Variants in ZNF618 observed in about 807,000 individuals in gnomAD.
The protein encoded by ZNF618 is neural precursor cell expressed, developmentally down-regulated 10.
In ZNF618, 34 loss-of-function variants were observed where a neutral mutation model predicts 103.0. The observed-to-expected ratio is 0.33, with a 90% confidence interval of 0.25 to 0.44. ZNF618 has a LOEUF of 0.44. Ranked by LOEUF, ZNF618 falls within the 20% of genes least tolerant of loss-of-function variation. The pLI is 1.00. For synonymous variants in ZNF618, 551 were observed against 542.2 expected (o/e 1.02, Z -0.23); for missense variants, 1,059 against 1,295.4 (o/e 0.82, Z 2.80).
rs146269057 is a variant in ZNF618 at position 114,034,947 on chromosome 9, C to T, written c.1169-1353C>T. On this transcript the variant is annotated intron_variant, in intron 12 of 14. Transcript: ENST00000374126. ...AGTGTAGGGTGTCCCGGAGGGATGG[C>T]AGTGACTTGTCTTGCCCTGCCTGGT... Among the ~76,000 whole-genome samples, 280 of 152,246 alleles carry T rather than the reference C, an allele frequency of 1.8e-3. 1 individual carries two copies. The highest frequency in any genetic ancestry group is 3.7e-3 in the Admixed American group (57 of 15,308).
chr9:113,991,678 G>A (rs1213271159), intron 3 of ZNF618, among the ~76,000 whole-genome samples: 2 of 152,194 alleles, frequency 1.3e-5, no homozygotes, highest in Non-Finnish European at 1.5e-5. Flanking sequence ...GTCGGTGCAG[G>A]ATAAGGTATT....
intron 1 of ZNF618, among the ~76,000 whole-genome samples, chr9:113,881,466 A>G (rs1013796654): frequency 1.3e-5 from 2 of 152,198 alleles, no homozygotes; most frequent in Non-Finnish European, 2.9e-5. Context: ...GTATATCCAT[A>G]ATACTATCCT....
chr9:114,001,334 A>G (rs1171355783), intron 4 of ZNF618, among the ~76,000 whole-genome samples: 1 of 132,752 alleles, frequency 7.5e-6, no homozygotes, highest in Admixed American at 7.4e-5. Context: ...GGAACAAGAC[A>G]ACTCCTCAGC....
At chr9:113,903,333 T>C (rs1830710516) in intron 1 of ZNF618, among the ~76,000 whole-genome samples, 1 of 152,234 alleles carries the variant, frequency 6.6e-6, no homozygotes, top group African/African-American at 2.4e-5. Flanking sequence ...CTGGTGACAG[T>C]GGAGTATATC....
At chr9:113,876,768 C>T (rs1203809478) in intron 1 of ZNF618, among the ~76,000 whole-genome samples, 2 of 150,828 alleles carry the variant, frequency 1.3e-5, no homozygotes, top group South Asian at 4.3e-4. Context: ...GCTCTGCCCC[C>T]TCCCCCCCAA....
At chr9:114,018,854 A>G (rs988217676) in intron 10 of ZNF618, among the ~76,000 whole-genome samples, 1 of 152,194 alleles carries the variant, frequency 6.6e-6, no homozygotes, top group South Asian at 2.1e-4. Flanking sequence ...AAAATACAGC[A>G]TGAGAGATTT....
At chr9:114,007,320 T>C in intron 6 of ZNF618, 30 bp from the exon 7 acceptor site, 3 of 1,605,988 alleles carry the variant, frequency 1.9e-6, no homozygotes. Context: ...GAAGCCCTGG[T>C]AACCAGGTGT....
Position 114,048,940 on chromosome 9 carries a change from C to T in ZNF618, c.1638C>T (p.Cys546=), listed in dbSNP as rs571794106. ...CCTGTGCCTTGGGCAGCAATGCCTG[C>T]CTAGGCATCGGTGTCACCTGCCACT... ...KVTCALGSNA[C]LGIGVTCHSQ... is the part of the protein sequence containing the mutation. Residue 546 remains cysteine, a synonymous_variant, in exon 15 of 15, where the codon TGC becomes TGT. Coordinates refer to ENST00000374126, the MANE Select transcript of ZNF618 (RefSeq NM_001318042.2). The T allele has an allele frequency of 6.2e-7, 1 of 1,609,362 alleles. No homozygotes were observed. The highest frequency in any genetic ancestry group is 1.3e-5 in the African/African-American group (1 of 74,974).
Position 113,969,100 on chromosome 9 carries a change from T to C in ZNF618, c.34-17T>C, listed in dbSNP as rs1349228789. ...TTCTGCCTTGGCTGATGTAGGTGTT[T>C]TGGGTTTCTTTTGCAGGCTGACGGA... is the stretch of plus-strand genomic sequence containing the variant. On this transcript the variant is annotated splice_polypyrimidine_tract_variant and intron_variant, in intron 1 of 14. Transcript: ENST00000374126. The C allele has an allele frequency of 8.1e-6, 13 of 1,613,806 alleles. No homozygotes were observed. Among genetic ancestry groups the C allele is most frequent in the Admixed American group, 1.7e-5 (1 of 59,992 alleles).
chr9:114,017,793 C>T (rs563645217), intron 10 of ZNF618, among the ~76,000 whole-genome samples: 19 of 152,172 alleles, frequency 1.2e-4, no homozygotes, highest in Non-Finnish European at 2.2e-4. Context: ...GCCCAGGTCC[C>T]TCCTAGAGCC....
intron 11 of ZNF618, among the ~76,000 whole-genome samples, chr9:114,031,753 T>C (rs996503183): frequency 1.4e-4 from 21 of 152,180 alleles, no homozygotes; most frequent in African/African-American, 3.4e-4. Context: ...TTGTTTCTCC[T>C]TAAGAAATGC....
At chr9:114,025,008 AG>A (rs1330836449) in intron 10 of ZNF618, among the ~76,000 whole-genome samples, 1 of 152,178 alleles carries the variant, frequency 6.6e-6, no homozygotes, top group African/African-American at 2.4e-5. Flanking sequence ...GCAGAGAGCT[AG>A]AGTGACCATG....
intron 1 of ZNF618, among the ~76,000 whole-genome samples, chr9:113,930,691 C>T (rs1037985371): frequency 1.5e-4 from 23 of 152,290 alleles, no homozygotes; most frequent in Middle Eastern, 3.4e-3. Flanking sequence ...TGCCTAGAAG[C>T]GAAGGAGGCT....
intron 3 of ZNF618, among the ~76,000 whole-genome samples, chr9:113,992,814 G>A (rs1342157630): frequency 2.0e-5 from 3 of 152,210 alleles, no homozygotes; most frequent in Non-Finnish European, 4.4e-5. Flanking sequence ...GCATTTGGCA[G>A]CTTCTCCTGC....
At chr9:114,027,644 C>G (rs546551127) in intron 10 of ZNF618, among the ~76,000 whole-genome samples, 2 of 152,224 alleles carry the variant, frequency 1.3e-5, no homozygotes, top group African/African-American at 4.8e-5. Context: ...CCAGGGGGCC[C>G]TTTCATTTAG....
At position 113,953,655 on chromosome 9, in the gene ZNF618, T is replaced by TA. The variant is rs111742121; in HGVS notation, c.34-15456dup. Among the ~76,000 whole-genome samples, 1,069 of 152,270 alleles carry TA rather than the reference T, an allele frequency of 7.0e-3. 15 individuals are homozygous for TA. Among genetic ancestry groups the TA allele is most frequent in the African/African-American group, 0.024 (993 of 41,528 alleles). On this transcript the variant is annotated intron_variant, in intron 1 of 14. Coordinates refer to ENST00000374126, the MANE Select transcript of ZNF618 (RefSeq NM_001318042.2). ...GAAGAATTAAATGAAGTAATGGATA[T>TA]AAAAAATCACTAAACAAATGTATGT... is the stretch of plus-strand genomic sequence containing the variant.
At chr9:113,881,579 A>G (rs535850637) in intron 1 of ZNF618, among the ~76,000 whole-genome samples, 1 of 152,328 alleles carries the variant, frequency 6.6e-6, no homozygotes, top group Non-Finnish European at 1.5e-5. Flanking sequence ...CTCCTACAGT[A>G]CATCTCAATT....
intron 2 of ZNF618, among the ~76,000 whole-genome samples, chr9:113,982,207 A>G (rs1028153422): frequency 3.3e-5 from 5 of 152,288 alleles, no homozygotes; most frequent in East Asian, 1.9e-4. Context: ...TTGGTTGCCT[A>G]TGGCTGCTTT....
At chr9:113,988,671 C>G (rs1396617340) in intron 3 of ZNF618, 91 bp downstream of exon 3, 14 of 1,461,682 alleles carry the variant, frequency 9.6e-6, no homozygotes, top group Non-Finnish European at 1.3e-5. Flanking sequence ...GCCTCTGCCC[C>G]CTTCCTGGCT....
Sources: gnomAD v4.1 joint callset for allele counts (sites outside exome capture counted in the v4.1 genomes callset) on GRCh38, gnomAD v4.1.1 for gene constraint, MANE v1.5 for transcripts, NCBI Gene and HGNC (gene_info 2026-07-23, HGNC 2026-07-21) for gene names.